The following SLC25A13 variants were observed in gnomAD, a reference collection of about 807,000 sequenced individuals.
SLC25A13 encodes electrogenic aspartate/glutamate antiporter SLC25A13, mitochondrial.
A neutral mutation model predicts 85.5 loss-of-function variants in SLC25A13; 70 were observed. The ratio of observed to expected loss-of-function variants is 0.82; its 90% confidence interval spans 0.68 to 1.00. The LOEUF (loss-of-function observed/expected upper bound fraction) is 1.00. Among genes scored for constraint, SLC25A13 ranks in the 50% least tolerant of loss-of-function variants. The pLI is 0.00. For missense variants in SLC25A13, 765 were observed against 819.8 expected, an observed-to-expected ratio of 0.93 and a Z score of 0.82; for synonymous variants, 259 against 288.7, an observed-to-expected ratio of 0.90 and a Z score of 1.04.
intron 1 of SLC25A13, chr7:96,306,787 T>C: frequency 7.9e-7 from 1 of 1,261,092 alleles, no homozygotes; most frequent in South Asian, 1.2e-5. Context: ...TACCTCCTAG[T>C]GCCCTATCAT....
chr7:96,251,752 T>C (rs2116868481), intron 3 of SLC25A13, among the ~76,000 whole-genome samples: 1 of 152,338 alleles, frequency 6.6e-6, no homozygotes, highest in East Asian at 1.9e-4. Flanking sequence ...TTCTTGAAAC[T>C]GTACTTGGAA....
At chr7:96,314,088 A>C (rs1203342606) in intron 1 of SLC25A13, among the ~76,000 whole-genome samples, 1 of 152,148 alleles carries the variant, frequency 6.6e-6, no homozygotes, top group Non-Finnish European at 1.5e-5. Context: ...AGACGAAAGA[A>C]GAAAGAAGAA....
At chr7:96,270,555 CAAA>C (rs1247575334) in intron 3 of SLC25A13, among the ~76,000 whole-genome samples, 3 of 122,264 alleles carry the variant, frequency 2.5e-5, no homozygotes, top group Non-Finnish European at 3.5e-5. Flanking sequence ...ACTCCATCTC[CAAA>C]AAAAAAAAAA....
At chr7:96,211,563 T>C (rs139122152) in intron 4 of SLC25A13, among the ~76,000 whole-genome samples, 20 of 152,322 alleles carry the variant, frequency 1.3e-4, no homozygotes, top group African/African-American at 4.3e-4. Context: ...TATTTCCTAA[T>C]TGATTATTAG....
intron 14 of SLC25A13, among the ~76,000 whole-genome samples, chr7:96,137,692 T>A (rs1379910980): frequency 5.3e-5 from 8 of 152,332 alleles, no homozygotes; most frequent in African/African-American, 1.9e-4. Flanking sequence ...AGTGGTGCAA[T>A]CTTGGCTCAC....
chr7:96,302,996 C>A (rs2117008215), intron 1 of SLC25A13, among the ~76,000 whole-genome samples: 1 of 152,274 alleles, frequency 6.6e-6, no homozygotes, highest in African/African-American at 2.4e-5. Flanking sequence ...ATATTCAAGT[C>A]CCCTGAGGTG....
rs143747068 is a variant in SLC25A13 at position 96,192,969 on chromosome 7, T to C, written c.615+68A>G. The C allele has an allele frequency of 0.019, 29,328 of 1,537,950 alleles. 379 individuals are homozygous for C. Among genetic ancestry groups the C allele is most frequent in the Non-Finnish European group, 0.021 (23,803 of 1,112,118 alleles). On this transcript the variant is annotated intron_variant, in intron 6 of 17. Transcript: ENST00000265631. ...CAGAAAAAAAACACTACATAACTTATAAGAATTGTTTTTATAATTCCTTAT... is the reference window on the plus strand; with the variant it reads ...CAGAAAAAAAACACTACATAACTTACAAGAATTGTTTTTATAATTCCTTAT...
rs147940001 is a variant in SLC25A13 at position 96,157,163 on chromosome 7, G to A, written c.1312-10467C>T. Among the ~76,000 whole-genome samples the A allele has an allele frequency of 5.3e-5, 8 of 152,222 alleles. No homozygotes were observed. In the East Asian group the frequency reaches 5.8e-4, roughly 11 times the overall value. The stretch of plus-strand genomic sequence containing the variant: ...AACCATGTCAGCATGAAGTCCAAGC[G>A]CCAAGCTTCTCAAACGCACAGCATT... On this transcript the variant is annotated intron_variant, in intron 13 of 17. Coordinates refer to ENST00000265631, the MANE Select transcript of SLC25A13 (RefSeq NM_014251.3).
At chr7:96,128,960 C>CTCTCTCTCTCTG (rs1791879783) in intron 15 of SLC25A13, among the ~76,000 whole-genome samples, 1 of 148,750 alleles carries the variant, frequency 6.7e-6, no homozygotes, top group Middle Eastern at 3.4e-3. Context: ...CTCTCTCTCT[C>CTCTCTCTCTCTG]TCTCTCTCTC....
At chr7:96,183,943 G>C (rs1333173331) in intron 11 of SLC25A13, among the ~76,000 whole-genome samples, 1 of 152,180 alleles carries the variant, frequency 6.6e-6, no homozygotes, top group Non-Finnish European at 1.5e-5. Context: ...CCTGGTGGCA[G>C]AATACCTTTC....
At chr7:96,195,092 T>C (rs1348849217) in intron 5 of SLC25A13, among the ~76,000 whole-genome samples, 1 of 152,192 alleles carries the variant, frequency 6.6e-6, no homozygotes, top group African/African-American at 2.4e-5. Context: ...TTAACTCCCA[T>C]ATTCAAGTCT....
intron 4 of SLC25A13, chr7:96,219,804 A>G: frequency 1.9e-6 from 1 of 527,236 alleles, no homozygotes; most frequent in Non-Finnish European, 3.9e-6. Flanking sequence ...CTCAAGATTC[A>G]TACACTATTT....
chr7:96,315,826 C>A (rs1277415336), intron 1 of SLC25A13, among the ~76,000 whole-genome samples: 1 of 152,006 alleles, frequency 6.6e-6, no homozygotes, highest in Non-Finnish European at 1.5e-5. Flanking sequence ...TCTTTAATAA[C>A]CTCAATATAT....
rs1245928725 is a variant in SLC25A13 at position 96,208,975 on chromosome 7, C to CT, written c.330_331insA (p.Asp111ArgfsTer3). ...GTCTGTCCAAAAACTTGCTTAACAT[C>CT]CTCTGAAAAGAGAAAAGACAGGTTG... On this transcript the variant is annotated frameshift_variant and splice_region_variant, in exon 5 of 18. Coordinates refer to ENST00000265631, the MANE Select transcript of SLC25A13 (RefSeq NM_014251.3). LOFTEE classifies it high-confidence loss of function. 1 of 1,613,772 alleles carries CT rather than the reference C, an allele frequency of 6.2e-7. No homozygotes were observed. Among genetic ancestry groups the CT allele is most frequent in the African/African-American group, 1.3e-5 (1 of 74,866 alleles).
chr7:96,313,985 T>C (rs1351478357), intron 1 of SLC25A13, among the ~76,000 whole-genome samples: 1 of 152,182 alleles, frequency 6.6e-6, no homozygotes, highest in Non-Finnish European at 1.5e-5. Flanking sequence ...ACATTCTGTT[T>C]TGAAGATTAG....
intron 3 of SLC25A13, among the ~76,000 whole-genome samples, chr7:96,251,167 C>G (rs189981403): frequency 6.6e-4 from 100 of 152,198 alleles, no homozygotes; most frequent in African/African-American, 2.2e-3. Context: ...AGAGGAAGTA[C>G]AAGGCCTCTA....
chr7:96,126,984 A>T (rs796175834), intron 15 of SLC25A13, among the ~76,000 whole-genome samples: 11 of 152,360 alleles, frequency 7.2e-5, no homozygotes, highest in African/African-American at 2.6e-4. Flanking sequence ...AAGCATCATG[A>T]TCACACATGT....
intron 9 of SLC25A13, among the ~76,000 whole-genome samples, chr7:96,186,753 T>C (rs1453271220): frequency 6.6e-6 from 1 of 152,220 alleles, no homozygotes; most frequent in Non-Finnish European, 1.5e-5. Flanking sequence ...GTATTTGTCA[T>C]ATGATTCTTT....
chr7:96,130,855 G>A (rs1317709364), intron 15 of SLC25A13, among the ~76,000 whole-genome samples: 1 of 152,214 alleles, frequency 6.6e-6, no homozygotes, highest in East Asian at 1.9e-4. Flanking sequence ...TTAAGGAGGA[G>A]CTACACAGGT....
Sources: gnomAD v4.1 joint callset for allele counts (sites outside exome capture counted in the v4.1 genomes callset) on GRCh38, gnomAD v4.1.1 for gene constraint, MANE v1.5 for transcripts, NCBI Gene and HGNC (gene_info 2026-07-23, HGNC 2026-07-21) for gene names.